CNTNAP3B: variants seen among roughly 807,000 people sequenced by gnomAD.
CNTNAP3B encodes contactin-associated protein-like 3B.
Under a neutral mutation model 108.9 loss-of-function variants are expected in CNTNAP3B, and 25 were observed. The observed-to-expected ratio is 0.23, with a 90% CI of 0.17 to 0.32. The LOEUF (loss-of-function observed/expected upper bound fraction) is 0.32, where lower values mean the gene tolerates loss of function less well. Ranked by LOEUF, CNTNAP3B falls within the 10% of genes least tolerant of loss-of-function variation. CNTNAP3B has a pLI of 1.00. For missense variants in CNTNAP3B, 252 were observed against 1,210.4 expected (o/e 0.21, Z 11.75); for synonymous variants, 103 against 473.4 (o/e 0.22, Z 10.16).
intron 1 of CNTNAP3B, 85 bp downstream of exon 1, chr9:42,128,925 C>G: frequency 7.4e-7 from 1 of 1,351,138 alleles, no homozygotes; most frequent in Non-Finnish European, 9.8e-7. Flanking sequence ...TTCTGCAATT[C>G]CACTTCCAAA....
intron 9 of CNTNAP3B, among the ~76,000 whole-genome samples, chr9:41,973,000 T>C (rs1318184710): frequency 1.6e-5 from 2 of 123,350 alleles, no homozygotes; most frequent in African/African-American, 6.3e-5. Flanking sequence ...TGCAGTGGTG[T>C]GATCTCTGCT....
intron 3 of CNTNAP3B, among the ~76,000 whole-genome samples, chr9:42,030,813 GGAGAGAGA>G (rs71274672): frequency 3.0e-5 from 2 of 65,774 alleles, no homozygotes; most frequent in African/African-American, 1.6e-4. Context: ...GAGAGAGAGA[GGAGAGAGA>G]GAGAGAGAGA....
chr9:41,964,085 G>T lies in CNTNAP3B; in HGVS notation c.1756+453C>A, dbSNP rs796401286. Among the ~76,000 whole-genome samples the T allele has an allele frequency of 3.9e-5, 6 of 152,418 alleles. No homozygotes were observed. In the South Asian group the frequency reaches 1.2e-3, roughly 32 times the overall value. On this transcript the variant is annotated intron_variant, in intron 11 of 23. Coordinates refer to ENST00000377561, the MANE Select transcript of CNTNAP3B (RefSeq NM_001201380.3). ...TCTTGCCATGTACAATCCCATGATT[G>T]CATCATCCCAGTGATTGTTAAAAAA...
At chr9:42,126,450 C>G (rs1419213519) in intron 1 of CNTNAP3B, among the ~76,000 whole-genome samples, 1 of 135,690 alleles carries the variant, frequency 7.4e-6, no homozygotes, top group Non-Finnish European at 1.6e-5. Context: ...ACTGAAGTTA[C>G]GAAAATATTT....
intron 13 of CNTNAP3B, among the ~76,000 whole-genome samples, chr9:41,939,934 G>A (rs1392806192): frequency 2.4e-4 from 36 of 152,068 alleles, no homozygotes; most frequent in East Asian, 7.7e-4. Flanking sequence ...AGTAGAAAGA[G>A]GAAGCTTAGG....
intron 4 of CNTNAP3B, among the ~76,000 whole-genome samples, chr9:42,001,334 A>G (rs1387160126): frequency 1.6e-5 from 2 of 122,858 alleles, no homozygotes; most frequent in East Asian, 5.2e-4. Context: ...GGATCGCTTG[A>G]GCTCGGGAGG....
At chr9:41,932,839 G>C (rs1482604867) in intron 14 of CNTNAP3B, among the ~76,000 whole-genome samples, 1 of 152,162 alleles carries the variant, frequency 6.6e-6, no homozygotes, top group Admixed American at 6.5e-5. Context: ...GATTATTTTG[G>C]GGGAGTAGGT....
At chr9:41,958,989 A>G (rs1331076932) in intron 12 of CNTNAP3B, among the ~76,000 whole-genome samples, 1 of 139,954 alleles carries the variant, frequency 7.1e-6, no homozygotes, top group African/African-American at 2.8e-5. Flanking sequence ...CAAACATCCA[A>G]CAATTCGTCA....
In CNTNAP3B at chr9:42,113,816, G is replaced by T. The variant is rs28586879; in HGVS notation, c.86-9077C>A. ...AGTGTAATTGGATTGTTTGCAACTC[G>T]AAGGATAATTGCTTGAGGGGATGGA... On this transcript the variant is annotated intron_variant, in intron 1 of 23. Transcript: ENST00000377561. Among the ~76,000 whole-genome samples, 5 of 137,418 alleles carry T rather than the reference G, an allele frequency of 3.6e-5. 2 individuals are homozygous for T. Among genetic ancestry groups the T allele is most frequent in the African/African-American group, 5.8e-5 (2 of 34,468 alleles). 90.2% of individuals were successfully genotyped at this position (137,418 alleles called of 152,430 possible).
At chr9:41,955,488 T>G (rs1216430230) in intron 12 of CNTNAP3B, among the ~76,000 whole-genome samples, 1 of 152,304 alleles carries the variant, frequency 6.6e-6, no homozygotes, top group Admixed American at 6.5e-5. Context: ...ATATTGGAAC[T>G]GGAAAGGATC....
At chr9:42,023,319 G>A (rs1330613625) in intron 3 of CNTNAP3B, among the ~76,000 whole-genome samples, 1 of 151,904 alleles carries the variant, frequency 6.6e-6, no homozygotes, top group African/African-American at 2.4e-5. Flanking sequence ...CTCTGCCTCA[G>A]TCTCTTCCTC....
chr9:41,943,017 T>G lies in CNTNAP3B; in HGVS notation c.2081-4617A>C, dbSNP rs1478206429. Among the ~76,000 whole-genome samples the G allele has an allele frequency of 5.9e-5, 9 of 152,348 alleles. No individual in the cohort carries two copies. The South Asian group carries it at 1.0e-3, about 18-fold the overall frequency. On this transcript the variant is annotated intron_variant, in intron 13 of 23. Coordinates refer to ENST00000377561, the MANE Select transcript of CNTNAP3B (RefSeq NM_001201380.3). ...TCTTATGAGACGAATCAAGCAAACA[T>G]GCAGTTATGACAGATTTGGAAATAT...
chr9:41,944,726 C>T (rs1294068343), intron 13 of CNTNAP3B, among the ~76,000 whole-genome samples: 6 of 152,146 alleles, frequency 3.9e-5, no homozygotes, highest in African/African-American at 1.4e-4. Flanking sequence ...TCTAAATATA[C>T]CAATTAAGAA....
In CNTNAP3B at chr9:41,972,614, C is replaced by T. The variant is rs1452383193; in HGVS notation, c.1478-2369G>A. 1.4e-5 allele frequency among the ~76,000 whole-genome samples: 2 copies of T among 138,270 alleles called. 1 individual carries two copies. The highest frequency in any genetic ancestry group is 4.7e-4 in the South Asian group (2 of 4,280). 90.7% of individuals were successfully genotyped at this position (138,270 alleles called of 152,430 possible). ...TTCTTTTTAGCTTATCGAAACTATA[C>T]ATAACCTCACAGACACTTGGAAGTT... On this transcript the variant is annotated intron_variant, in intron 9 of 23. Transcript: ENST00000377561.
At chr9:41,964,768 T>C in intron 10 of CNTNAP3B, 124 bp from the exon 11 acceptor site, 2 of 1,271,422 alleles carry the variant, frequency 1.6e-6, no homozygotes, top group Non-Finnish European at 2.1e-6. Flanking sequence ...ACGTGATTAC[T>C]GGGTCTGCCA....
intron 13 of CNTNAP3B, among the ~76,000 whole-genome samples, chr9:41,940,526 A>G (rs1485666124): frequency 1.3e-5 from 2 of 152,226 alleles, no homozygotes; most frequent in South Asian, 4.1e-4. Flanking sequence ...AAATGGAAAT[A>G]AAATCTTTTT....
At chr9:42,080,961 GGAA>G (rs1564191256) in intron 2 of CNTNAP3B, among the ~76,000 whole-genome samples, 21 of 63,040 alleles carry the variant, frequency 3.3e-4, no homozygotes, top group African/African-American at 1.4e-3. Context: ...ACAAAACAGG[GGAA>G]GCAGTTAGGT....
intron 12 of CNTNAP3B, among the ~76,000 whole-genome samples, chr9:41,958,537 G>C (rs1340183318): frequency 7.8e-4 from 118 of 151,932 alleles, no homozygotes; most frequent in African/African-American, 2.8e-3. Flanking sequence ...AAGGGGAAAG[G>C]TTCTGTAGTC....
chr9:41,979,135 C>T (rs201771194), intron 9 of CNTNAP3B, among the ~76,000 whole-genome samples: 2,451 of 131,986 alleles, frequency 0.019, 431 homozygotes, highest in Admixed American at 0.13. Flanking sequence ...GTTGTCCCAG[C>T]GTCTTCCCTC....
Sources: allele counts gnomAD v4.1 joint callset (sites outside exome capture counted in the v4.1 genomes callset), GRCh38; gene constraint gnomAD v4.1.1; transcripts MANE v1.5; gene names NCBI Gene and HGNC (gene_info 2026-07-23, HGNC 2026-07-21).